BCL11A: variants seen among roughly 807,000 people sequenced by gnomAD.
BCL11A encodes B cell CLL/lymphoma 11A.
BCL11A carries 2 observed loss-of-function variants against 55.9 expected under a neutral mutation model. The ratio of observed to expected loss-of-function variants is 0.04; its 90% CI spans 0.01 to 0.11. BCL11A has a LOEUF of 0.11. Among genes scored for constraint, BCL11A ranks in the 10% least tolerant of loss-of-function variants. The pLI is 1.00. For synonymous variants in BCL11A, 465 were observed against 473.4 expected (o/e 0.98, Z 0.23); for missense variants, 817 against 1,137.1 (o/e 0.72, Z 4.05).
chr2:60,476,777 T>G (rs1284956652), intron 2 of BCL11A, among the ~76,000 whole-genome samples: 1 of 152,232 alleles, frequency 6.6e-6, no homozygotes, highest in African/African-American at 2.4e-5. Flanking sequence ...ACAAACACTT[T>G]AAATTCAGTG....
At chr2:60,539,482 G>A (rs1049988358) in intron 2 of BCL11A, among the ~76,000 whole-genome samples, 1 of 152,184 alleles carries the variant, frequency 6.6e-6, no homozygotes, top group East Asian at 1.9e-4. Context: ...AGCCTTTGCT[G>A]AAATGTTTTA....
chr2:60,530,889 G>A (rs1669424014), intron 2 of BCL11A, among the ~76,000 whole-genome samples: 1 of 152,010 alleles, frequency 6.6e-6, no homozygotes, highest in African/African-American at 2.4e-5. Context: ...ACTAGACATC[G>A]ATTATGTCTG....
At chr2:60,525,213 C>A (rs1439138377) in intron 2 of BCL11A, 1 of 152,140 alleles carries the variant, frequency 6.6e-6, no homozygotes, top group African/African-American at 2.4e-5. Flanking sequence ...TCAACTATTT[C>A]TTTTTCAAAA....
chr2:60,528,671 T>C (rs1026616308), intron 2 of BCL11A: 16 of 152,212 alleles, frequency 1.1e-4, no homozygotes, highest in Admixed American at 6.5e-5. Flanking sequence ...GGCCAAAGGA[T>C]TGAACAACTG....
chr2:60,523,527 C>CTA (rs1298088413), intron 2 of BCL11A, among the ~76,000 whole-genome samples: 5 of 151,770 alleles, frequency 3.3e-5, no homozygotes, highest in Admixed American at 3.3e-4. Flanking sequence ...AGGCACACAA[C>CTA]TATATATATA....
At chr2:60,552,924 C>G (rs1399803020) in intron 1 of BCL11A, among the ~76,000 whole-genome samples, 1 of 151,080 alleles carries the variant, frequency 6.6e-6, no homozygotes, top group Admixed American at 6.6e-5. Flanking sequence ...CATTCCTTTT[C>G]GAAAAGAGAA....
Position 60,546,691 on chromosome 2 carries a change from G to A in BCL11A, c.56-391C>T, listed in dbSNP as rs903002859. Among the ~76,000 whole-genome samples, 1 of 151,760 alleles carries A rather than the reference G, an allele frequency of 6.6e-6. No homozygotes were observed. Among genetic ancestry groups the A allele is most frequent in the African/African-American group, 2.4e-5 (1 of 41,380 alleles). ...TAAATAATAACTACAAGAAAAACTGGTTAAAAAAAAAAGTGGATAGAAACC... is the reference window on the plus strand; with the variant it reads ...TAAATAATAACTACAAGAAAAACTGATTAAAAAAAAAAGTGGATAGAAACC... On this transcript the variant is annotated intron_variant, in intron 1 of 3. Transcript: ENST00000642384. The surrounding 1 kb of genome is among the most constrained non-coding windows in gnomAD (Gnocchi z 4.1).
At chr2:60,484,797 A>T (rs1399729185) in intron 2 of BCL11A, among the ~76,000 whole-genome samples, 2 of 151,968 alleles carry the variant, frequency 1.3e-5, no homozygotes, top group African/African-American at 4.8e-5. Context: ...ACCTCAAATT[A>T]TGGGAATTCT....
At position 60,548,935 on chromosome 2, in the gene BCL11A, A is replaced by AT. The variant is rs757077513; in HGVS notation, c.56-2636dup. On this transcript the variant is annotated intron_variant, in intron 1 of 3. Transcript: ENST00000642384. ...ATAATTTCTCTGCATTTTAATGCAA[A>AT]TTCCCCTTTCCCTAAAAACCTTCCT... Among the ~76,000 whole-genome samples the AT allele has an allele frequency of 6.6e-5, 10 of 152,276 alleles. No homozygotes were observed. In the Middle Eastern group the frequency reaches 0.014, roughly 207 times the overall value.
chr2:60,532,547 C>T (rs532442195), intron 2 of BCL11A, among the ~76,000 whole-genome samples: 1 of 150,874 alleles, frequency 6.6e-6, no homozygotes, highest in African/African-American at 2.4e-5. Context: ...ATTTACAGAA[C>T]CTTGGTATGT....
chr2:60,550,330 G>C (rs996842478), intron 1 of BCL11A, among the ~76,000 whole-genome samples: 3 of 152,206 alleles, frequency 2.0e-5, no homozygotes, highest in African/African-American at 7.2e-5. Flanking sequence ...CATTTTTAAA[G>C]TCAAAATGAA....
Position 60,461,915 on chromosome 2 carries a change from G to T in BCL11A, c.997C>A (p.Pro333Thr). ...AGNTSSPPLS[P>T]GRPSPMQRLL... ...CTTTGCATAGGGCTGGGCCGGCCTGGGGACAGCGGTGGGCTAGACGTGTTC... is the reference window on the plus strand; with the variant it reads ...CTTTGCATAGGGCTGGGCCGGCCTGTGGACAGCGGTGGGCTAGACGTGTTC... Residue 333 changes from proline to threonine, a missense_variant, in exon 4 of 4, where the codon CCA (proline) becomes ACA (threonine). Physicochemically the swap from Pro to Thr is conservative, Grantham distance 38 (BLOSUM62 -1). This residue lies in a region of BCL11A where 363 missense variants were observed against 486.6 expected (regional missense o/e 0.75). Transcript: ENST00000642384. The T allele has an allele frequency of 6.2e-7, 1 of 1,614,168 alleles. No individual in the cohort carries two copies. The highest frequency in any genetic ancestry group is 8.5e-7 in the Non-Finnish European group (1 of 1,180,032).
chr2:60,452,542 C>T (rs758107245), downstream of BCL11A: 14 of 1,559,768 alleles, frequency 9.0e-6, no homozygotes, highest in Non-Finnish European at 1.2e-5. Context: ...GGGCGGCACG[C>T]GTCCACCCCA....
chr2:60,553,099 C>T, intron 1 of BCL11A, 117 bp downstream of exon 1: 1 of 1,114,400 alleles, frequency 9.0e-7, no homozygotes, highest in Non-Finnish European at 1.2e-6. Context: ...GGAGGTTTTT[C>T]TCGTGAAAAA....
intron 2 of BCL11A, among the ~76,000 whole-genome samples, chr2:60,514,841 T>C (rs1462597335): frequency 6.8e-6 from 1 of 146,046 alleles, no homozygotes; most frequent in Non-Finnish European, 1.5e-5. Context: ...ATATCAAAGG[T>C]CTTGCATACA....
chr2:60,503,564 G>C (rs1002414719), intron 2 of BCL11A, among the ~76,000 whole-genome samples: 2 of 152,184 alleles, frequency 1.3e-5, no homozygotes, highest in African/African-American at 4.8e-5. Context: ...TCAGGTCTGA[G>C]TGCAGACCAA....
At chr2:60,466,488 G>A (rs1276239093) in intron 3 of BCL11A, among the ~76,000 whole-genome samples, 1 of 152,076 alleles carries the variant, frequency 6.6e-6, no homozygotes, top group Admixed American at 6.5e-5. Flanking sequence ...GGCCCAGCTT[G>A]GGGGAAGGGA....
intron 2 of BCL11A, among the ~76,000 whole-genome samples, chr2:60,519,166 C>T (rs149507472): frequency 1.3e-3 from 203 of 152,168 alleles, no homozygotes; most frequent in African/African-American, 4.4e-3. Flanking sequence ...CAAATACAGG[C>T]GCTACAAAAA....
intron 2 of BCL11A, among the ~76,000 whole-genome samples, chr2:60,504,082 C>T (rs1679439083): frequency 6.6e-6 from 1 of 152,144 alleles, no homozygotes; most frequent in Non-Finnish European, 1.5e-5. Flanking sequence ...TGAAGAGTAC[C>T]ACTCAGCCGA....
Sources: gnomAD v4.1 joint callset for allele counts (sites outside exome capture counted in the v4.1 genomes callset) on GRCh38, gnomAD v4.1.1 for gene constraint, gnomAD v4.1.1 regional missense constraint, Gnocchi (gnomAD v3.1) non-coding constraint, MANE v1.5 for transcripts, NCBI Gene and HGNC (gene_info 2026-07-23, HGNC 2026-07-21) for gene names.